Variants in DEFB1 observed in about 807,000 individuals in gnomAD.
The protein encoded by DEFB1 is defensin beta 1, also known as beta-defensin 1.
DEFB1 carries 4 observed loss-of-function variants against 2.6 expected under a neutral mutation model. The ratio of observed to expected loss-of-function variants is 1.53; its 90% confidence interval spans 0.76 to 3.51. DEFB1 has a LOEUF of 3.51. DEFB1 is among the 30% of genes most tolerant of loss of function. The pLI, the probability that DEFB1 is intolerant of heterozygous loss-of-function variation, is 0.01. For synonymous variants in DEFB1, 56 were observed against 28.5 expected, an observed-to-expected ratio of 1.96 and a Z score of -3.07; for missense variants, 162 against 76.9, an observed-to-expected ratio of 2.11 and a Z score of -4.14.
chr8:6,874,014 G>A (rs1004098387), intron 1 of DEFB1, among the ~76,000 whole-genome samples: 4 of 151,982 alleles, frequency 2.6e-5, no homozygotes, highest in South Asian at 2.1e-4. Context: ...TTTCTCTTAC[G>A]TGCTTCTTAA....
At chr8:6,872,773 CTA>C (rs775384306) in intron 1 of DEFB1, among the ~76,000 whole-genome samples, 1 of 152,252 alleles carries the variant, frequency 6.6e-6, no homozygotes, top group Non-Finnish European at 1.5e-5. Context: ...TGAGATTGTA[CTA>C]TGTTTTAATA....
intron 1 of DEFB1, among the ~76,000 whole-genome samples, chr8:6,875,366 G>C (rs2978865): frequency 0.18 from 27,040 of 152,084 alleles, 2,616 homozygotes; most frequent in Admixed American, 0.24. Flanking sequence ...TATTTGTGAT[G>C]TATATAATTG....
intron 1 of DEFB1, among the ~76,000 whole-genome samples, chr8:6,874,112 C>G (rs528087317): frequency 1.7e-4 from 25 of 144,158 alleles, no homozygotes; most frequent in Non-Finnish European, 2.7e-4. Context: ...GCTAGAATAT[C>G]TGACATACAC....
At chr8:6,875,093 CA>C (rs1806476154) in intron 1 of DEFB1, among the ~76,000 whole-genome samples, 1 of 151,724 alleles carries the variant, frequency 6.6e-6, no homozygotes, top group African/African-American at 2.4e-5. Flanking sequence ...CACACACACA[CA>C]CACACACACA....
intron 1 of DEFB1, among the ~76,000 whole-genome samples, chr8:6,875,014 A>G (rs561676920): frequency 6.6e-6 from 1 of 151,218 alleles, no homozygotes; most frequent in South Asian, 2.1e-4. Context: ...GGACAATCAG[A>G]TATTCATATT....
At position 6,870,877 on chromosome 8, in the gene DEFB1, G is replaced by A. The variant is rs771184240; in HGVS notation, c.62-51C>T. The A allele has an allele frequency of 1.2e-5, 19 of 1,556,720 alleles. No homozygotes were observed. The South Asian group carries it at 1.4e-4, about 12-fold the overall frequency. ...CAGACTCATGGCTTGTAGCTGCAAC[G>A]ATTTGAGAACATCTCGCGAAAGCAG... On this transcript the variant is annotated intron_variant, in intron 1 of 1. Transcript: ENST00000297439.
At chr8:6,870,927 G>C in intron 1 of DEFB1, 101 bp from the exon 2 acceptor site, 1 of 1,303,778 alleles carries the variant, frequency 7.7e-7, no homozygotes, top group South Asian at 1.5e-5. Flanking sequence ...AAACACCGGA[G>C]AGTCTTCTCT....
At chr8:6,876,653 A>T in intron 1 of DEFB1, among the ~76,000 whole-genome samples, 1 of 151,886 alleles carries the variant, frequency 6.6e-6, no homozygotes, top group East Asian at 1.9e-4. Context: ...AAATAAAAAA[A>T]TTAGCCAGGT....
chr8:6,871,307 A>C (rs548201737), intron 1 of DEFB1, among the ~76,000 whole-genome samples: 1 of 152,226 alleles, frequency 6.6e-6, no homozygotes, highest in African/African-American at 2.4e-5. Flanking sequence ...TTCAGCTGAA[A>C]TCTAGGATCG....
At position 6,870,734 on chromosome 8, in the gene DEFB1, A is replaced by C. The variant is rs754852437; in HGVS notation, c.154T>G (p.Phe52Val). The C allele has an allele frequency of 3.8e-5, 61 of 1,614,106 alleles. No homozygotes were observed. The highest frequency in any genetic ancestry group is 2.7e-4 in the Admixed American group (16 of 60,006). The change falls in exon 2 of 2, where the codon TTT becomes GTT. Residue 52 changes from phenylalanine to valine, a missense_variant. Transcript: ENST00000297439. ...GQCLYSACPI[F>V]TKIQGTCYRG... ...TAACAGGTGCCTTGAATTTTGGTAA[A>C]GATCGGGCAGGCAGAATAGAGACAT... is the stretch of plus-strand genomic sequence containing the variant.
chr8:6,877,770 G>A lies in DEFB1; in HGVS notation c.61+27C>T, dbSNP rs761570189. On this transcript the variant is annotated intron_variant, in intron 1 of 1. Coordinates refer to ENST00000297439, the MANE Select transcript of DEFB1 (RefSeq NM_005218.4). ...CCATTGTCCCCAGCCCTGGGGATGG[G>A]AAACTCTTGCAGGTACCAGAGCTTA... The A allele has an allele frequency of 1.9e-6, 3 of 1,605,518 alleles. No homozygotes were observed. In the South Asian group the frequency reaches 3.3e-5, roughly 18 times the overall value.
At chr8:6,876,871 C>G (rs1051966644) in intron 1 of DEFB1, among the ~76,000 whole-genome samples, 2 of 149,460 alleles carry the variant, frequency 1.3e-5, no homozygotes, top group African/African-American at 5.0e-5. Flanking sequence ...AAAACAAAAT[C>G]CATTGTAGCA....
rs1806593879 is a variant in DEFB1, at chr8:6,877,878, C to G, written c.-21G>C. The G allele has an allele frequency of 3.1e-6, 5 of 1,612,372 alleles. No individual in the cohort carries two copies. The South Asian group carries it at 5.5e-5, about 18-fold the overall frequency. On this transcript the variant is annotated 5_prime_UTR_variant, in exon 1 of 2. Coordinates refer to ENST00000297439, the MANE Select transcript of DEFB1 (RefSeq NM_005218.4). ...CTCATGGCGACTGGCAGGCAACACC[C>G]AGGATTTCAGGAACTGGGGAGACGC...
At chr8:6,876,011 G>A (rs1013260592) in intron 1 of DEFB1, among the ~76,000 whole-genome samples, 3 of 152,088 alleles carry the variant, frequency 2.0e-5, no homozygotes, top group African/African-American at 7.2e-5. Flanking sequence ...AATTCTTTAT[G>A]TTAACAAAGT....
chr8:6,872,261 G>C (rs897485548), intron 1 of DEFB1, among the ~76,000 whole-genome samples: 2 of 151,886 alleles, frequency 1.3e-5, no homozygotes, highest in Non-Finnish European at 2.9e-5. Flanking sequence ...CTCTCATTTT[G>C]TTCTCAAAGC....
rs139440005 is a variant in DEFB1, at chr8:6,874,932, A to G, written c.61+2865T>C. 4.5e-4 allele frequency among the ~76,000 whole-genome samples: 69 copies of G among 151,988 alleles called. 1 individual carries two copies. Among genetic ancestry groups the G allele is most frequent in the African/African-American group, 1.6e-3 (68 of 41,356 alleles). ...GGGAGGGAGGGGTTGCGGTTAGCCA[A>G]GATTGTGCCACTGCACTACAGCCTG... On this transcript the variant is annotated intron_variant, in intron 1 of 1. Transcript: ENST00000297439.
intron 1 of DEFB1, among the ~76,000 whole-genome samples, chr8:6,872,474 A>G (rs1002457758): frequency 2.0e-5 from 3 of 152,246 alleles, no homozygotes; most frequent in Non-Finnish European, 2.9e-5. Flanking sequence ...CTCTGTATTG[A>G]TACCAGGCTT....
At position 6,876,851 on chromosome 8, in the gene DEFB1, A is replaced by C. The variant is rs945788801; in HGVS notation, c.61+946T>G. Among the ~76,000 whole-genome samples, 51 of 100,890 alleles carry C rather than the reference A, an allele frequency of 5.1e-4. 1 individual carries two copies. Among genetic ancestry groups the C allele is most frequent in the African/African-American group, 2.4e-3 (49 of 20,574 alleles). The allele number at this position is 100,890 out of a possible 152,430, so 66.2% of individuals were successfully genotyped here. A position where few individuals can be genotyped will look rare whatever the true frequency, so the allele number is the denominator to read the frequency against. On this transcript the variant is annotated intron_variant, in intron 1 of 1. Coordinates refer to ENST00000297439, the MANE Select transcript of DEFB1 (RefSeq NM_005218.4). ...AAAACCAAAAACCAAAAACCAAAAA[A>C]AAAAACAAAAAAACAAAATCCATTG... is the stretch of plus-strand genomic sequence containing the variant.
chr8:6,877,618 G>T (rs555749590), intron 1 of DEFB1, among the ~76,000 whole-genome samples, 179 bp downstream of exon 1: 1 of 152,350 alleles, frequency 6.6e-6, no homozygotes, highest in South Asian at 2.1e-4. Flanking sequence ...CACAGACCCT[G>T]AAGGCTTGGC....
Sources: gnomAD v4.1 joint callset for allele counts (sites outside exome capture counted in the v4.1 genomes callset) on GRCh38, gnomAD v4.1.1 for gene constraint, MANE v1.5 for transcripts, NCBI Gene and HGNC (gene_info 2026-07-23, HGNC 2026-07-21) for gene names.